The following PACRGL variants were observed in gnomAD, a reference collection of about 807,000 sequenced individuals.
PACRGL encodes the protein PACRG-like protein.
Under a neutral mutation model 34.5 loss-of-function variants are expected in PACRGL, and 38 were observed. That is an observed-to-expected ratio of 1.10 (90% confidence interval 0.85 to 1.44). The LOEUF is 1.44. PACRGL is among the 40% of genes most tolerant of loss of function. The pLI, the probability that PACRGL is intolerant of heterozygous loss-of-function variation, is 0.00. For missense variants in PACRGL, 305 were observed against 281.4 expected, an observed-to-expected ratio of 1.08 and a Z score of -0.60; for synonymous variants, 128 against 100.1, an observed-to-expected ratio of 1.28 and a Z score of -1.66.
At chr4:20,754,709 T>C (rs527911644), downstream of PACRGL, among the ~76,000 whole-genome samples, 1 of 152,300 alleles carries the variant, frequency 6.6e-6, no homozygotes, top group South Asian at 2.1e-4. Flanking sequence ...AAATCCCTAA[T>C]CCCTTTGGAT....
At chr4:20,736,733 C>G (rs1749720762), downstream of PACRGL, among the ~76,000 whole-genome samples, 1 of 152,088 alleles carries the variant, frequency 6.6e-6, no homozygotes. Context: ...TTATACAACC[C>G]TTCCACTTAA....
At chr4:20,715,426 TAATAA>T (rs538040962) in intron 7 of PACRGL, among the ~76,000 whole-genome samples, 124 of 151,640 alleles carry the variant, frequency 8.2e-4, no homozygotes, top group African/African-American at 2.2e-3. Flanking sequence ...AGTATAATAA[TAATAA>T]AATAAAATAA....
intron 8 of PACRGL, among the ~76,000 whole-genome samples, chr4:20,749,036 T>C (rs1466458673): frequency 6.6e-6 from 1 of 151,736 alleles, no homozygotes. Context: ...CACGGGCCTG[T>C]AATCCCAGCT....
chr4:20,741,653 A>G (rs1368574414), intron 8 of PACRGL, among the ~76,000 whole-genome samples: 2 of 152,212 alleles, frequency 1.3e-5, no homozygotes, highest in African/African-American at 4.8e-5. Flanking sequence ...CATCACAATT[A>G]AAAGAAGTAG....
chr4:20,761,701 C>T, the PACRGL span, among the ~76,000 whole-genome samples: 1 of 152,116 alleles, frequency 6.6e-6, no homozygotes, highest in South Asian at 2.1e-4. Context: ...CCTTCAGTCT[C>T]TAGATATATT....
At chr4:20,715,711 C>T in intron 7 of PACRGL, among the ~76,000 whole-genome samples, 1 of 151,932 alleles carries the variant, frequency 6.6e-6, no homozygotes. Flanking sequence ...TACTAAAATA[C>T]AAAATACTAG....
At chr4:20,739,304 G>A (rs1014364672) in intron 8 of PACRGL, among the ~76,000 whole-genome samples, 15 of 152,178 alleles carry the variant, frequency 9.9e-5, no homozygotes, top group East Asian at 3.9e-4. Context: ...CCTGACCCCC[G>A]AGTAGCATAA....
Position 20,713,548 on chromosome 4 carries a change from T to C in PACRGL, c.609+9T>C. On this transcript the variant is annotated intron_variant, in intron 7 of 8. Transcript: ENST00000503585. ...AGCATCTGCTTACAAGCGTAAGTAC[T>C]GCAAAGATTAGATAATGATTGACTG... 1 of 1,583,058 alleles carries C rather than the reference T, an allele frequency of 6.3e-7. No individual in the cohort carries two copies. The highest frequency in any genetic ancestry group is 1.1e-5 in the South Asian group (1 of 90,394).
At position 20,728,660 on chromosome 4, in the gene PACRGL, G is replaced by A. The variant is rs1179651650; in HGVS notation, c.*1319G>A. 1 of 152,484 alleles carries A rather than the reference G, an allele frequency of 6.6e-6. No individual in the cohort carries two copies. The highest frequency in any genetic ancestry group is 1.5e-5 in the Non-Finnish European group (1 of 68,018). 9.4% of individuals were successfully genotyped at this position (152,484 alleles called of 1,614,324 possible). Reference sequence around the variant, plus strand: ...ATTTTTTCTTTTTGAAATACAAAATGTGCACATTGAGTTTACACAAACACG... The same window carrying A: ...ATTTTTTCTTTTTGAAATACAAAATATGCACATTGAGTTTACACAAACACG... On this transcript the variant is annotated 3_prime_UTR_variant, in exon 9 of 9. Transcript: ENST00000503585.
In PACRGL at chr4:20,716,344, G is replaced by T. The variant is rs114800874; in HGVS notation, c.609+2805G>T. On this transcript the variant is annotated intron_variant, in intron 7 of 8. Coordinates refer to ENST00000503585, the MANE Select transcript of PACRGL (RefSeq NM_001258345.3). ...GTTATTCATGCAGTGTTTTTTTTTTGTTTGTTTGTTTGTTTTAATTATACT... is the reference window on the plus strand; with the variant it reads ...GTTATTCATGCAGTGTTTTTTTTTTTTTTGTTTGTTTGTTTTAATTATACT... 6.0e-3 allele frequency: 3,345 copies of T among 560,270 alleles called. 24 individuals carry two copies. Among genetic ancestry groups the T allele is most frequent in the South Asian group, 0.032 (1,392 of 42,952 alleles). The allele number at this position is 560,270 out of a possible 1,614,324, so 34.7% of individuals were successfully genotyped here.
upstream of PACRGL, chr4:20,700,378 C>G (rs550078105): frequency 5.2e-4 from 79 of 152,346 alleles, no homozygotes; most frequent in African/African-American, 1.9e-3. Flanking sequence ...GACCTCTTAC[C>G]ATTGGTTTAG....
intron 8 of PACRGL, among the ~76,000 whole-genome samples, chr4:20,725,352 T>TACACAC (rs10584716): frequency 0.1 from 15,283 of 150,308 alleles, 931 homozygotes; most frequent in Middle Eastern, 0.17. Flanking sequence ...CCCATAGGTG[T>TACACAC]ACACACACAC....
At chr4:20,764,189 G>GA in the PACRGL span, among the ~76,000 whole-genome samples, 3 of 151,686 alleles carry the variant, frequency 2.0e-5, no homozygotes, top group Non-Finnish European at 4.4e-5. Flanking sequence ...GCCCTCTATA[G>GA]AAAAAAATTA....
chr4:20,717,031 T>A (rs1740410760), intron 7 of PACRGL, among the ~76,000 whole-genome samples: 1 of 152,216 alleles, frequency 6.6e-6, no homozygotes, highest in African/African-American at 2.4e-5. Context: ...CCATTCTAAC[T>A]GGTGTGAGAT....
chr4:20,706,015 A>G (rs1734322637), intron 3 of PACRGL, among the ~76,000 whole-genome samples: 1 of 151,420 alleles, frequency 6.6e-6, no homozygotes, highest in African/African-American at 2.4e-5. Flanking sequence ...TATTTGAGTT[A>G]AAAAATTTTT....
chr4:20,755,522 A>T (rs751557656), downstream of PACRGL, among the ~76,000 whole-genome samples: 14 of 152,198 alleles, frequency 9.2e-5, no homozygotes, highest in Admixed American at 6.5e-5. Context: ...TGACCTGTGG[A>T]TACAACAGTA....
At chr4:20,717,864 C>T (rs1247304557) in intron 7 of PACRGL, among the ~76,000 whole-genome samples, 1 of 152,126 alleles carries the variant, frequency 6.6e-6, no homozygotes, top group Admixed American at 6.5e-5. Flanking sequence ...TTTTCCAATT[C>T]TGTGAAGAAA....
At chr4:20,765,536 C>G in the PACRGL span, among the ~76,000 whole-genome samples, 1 of 152,174 alleles carries the variant, frequency 6.6e-6, no homozygotes, top group Non-Finnish European at 1.5e-5. Flanking sequence ...AGAACCTCCC[C>G]ACCTTCCTGT....
chr4:20,717,478 A>G (rs1258505394), intron 7 of PACRGL, among the ~76,000 whole-genome samples: 1 of 152,172 alleles, frequency 6.6e-6, no homozygotes, highest in Non-Finnish European at 1.5e-5. Flanking sequence ...TCTAACATTT[A>G]AGTCTTTAAT....
Sources: allele counts gnomAD v4.1 joint callset (sites outside exome capture counted in the v4.1 genomes callset), GRCh38; gene constraint gnomAD v4.1.1; transcripts MANE v1.5; gene names NCBI Gene and HGNC (gene_info 2026-07-23, HGNC 2026-07-21).